The following RYR3 variants were observed in gnomAD, a reference collection of about 807,000 sequenced individuals.
The protein encoded by RYR3 is brain ryanodine receptor-calcium release channel.
Under a neutral mutation model 584.3 loss-of-function variants are expected in RYR3, and 207 were observed. The observed-to-expected ratio is 0.35, with a 90% confidence interval of 0.32 to 0.40. RYR3 has a LOEUF of 0.40. RYR3 is among the 10% of genes least tolerant of loss of function. The pLI is 1.00. For synonymous variants in RYR3, 2,416 were observed against 2,248.5 expected (o/e 1.07, Z -2.11); for missense variants, 5,616 against 6,089.2 (o/e 0.92, Z 2.59).
At chr15:33,855,507 G>A (rs752483074) in intron 98 of RYR3, among the ~76,000 whole-genome samples, 21 of 152,090 alleles carry the variant, frequency 1.4e-4, no homozygotes, top group Non-Finnish European at 2.6e-4. Context: ...CCCGGCCGGA[G>A]ATCTTTTTAA....
At chr15:33,737,266 C>CT (rs1220566969) in intron 49 of RYR3, among the ~76,000 whole-genome samples, 3 of 152,026 alleles carry the variant, frequency 2.0e-5, no homozygotes, top group African/African-American at 4.8e-5. Flanking sequence ...CTGGCCTTCC[C>CT]TTTTTTTTAT....
At chr15:33,314,998 G>T (rs1211723078) in intron 1 of RYR3, among the ~76,000 whole-genome samples, 2 of 152,094 alleles carry the variant, frequency 1.3e-5, no homozygotes, top group African/African-American at 4.8e-5. Context: ...ACATTTGTTT[G>T]CATTAGTTTC....
Position 33,864,130 on chromosome 15 carries a change from C to G in RYR3, c.14466-8C>G. 2 of 1,607,172 alleles carry G rather than the reference C, an allele frequency of 1.2e-6. No homozygotes were observed. Among genetic ancestry groups the G allele is most frequent in the Non-Finnish European group, 1.7e-6 (2 of 1,175,014 alleles). ...AGAGTATCTAATACTATCTTTTCCT[C>G]GTTCCAGGTTCTTTCTGATGTATTT... On this transcript the variant is annotated splice_region_variant and splice_polypyrimidine_tract_variant and intron_variant, in intron 102 of 103. Coordinates refer to ENST00000634891, the MANE Select transcript of RYR3 (RefSeq NM_001036.6).
At chr15:33,558,066 GT>G (rs1028295291) in intron 10 of RYR3, among the ~76,000 whole-genome samples, 9 of 151,944 alleles carry the variant, frequency 5.9e-5, no homozygotes, top group Middle Eastern at 3.4e-3. Context: ...AGAAATCCCA[GT>G]TTTTTTTCTG....
In RYR3 at chr15:33,515,106, A is replaced by G. The variant is rs531561896; in HGVS notation, c.279+11368A>G. Among the ~76,000 whole-genome samples the G allele has an allele frequency of 9.6e-4, 146 of 152,364 alleles. 1 individual carries two copies. Among genetic ancestry groups the G allele is most frequent in the Non-Finnish European group, 1.9e-3 (128 of 68,020 alleles). Reference sequence around the variant, plus strand: ...AATTTAATACATTCATGTAATTTATAAAGACCACATCAGTGAAAATTTCCA... The same window carrying G: ...AATTTAATACATTCATGTAATTTATGAAGACCACATCAGTGAAAATTTCCA... On this transcript the variant is annotated intron_variant, in intron 3 of 103. Transcript: ENST00000634891.
At chr15:33,771,826 C>G (rs2073599595) in intron 62 of RYR3, 94 bp from the exon 63 acceptor site, 5 of 806,448 alleles carry the variant, frequency 6.2e-6, no homozygotes, top group Admixed American at 4.3e-5. Flanking sequence ...ACAGGAGTGG[C>G]AAATGTCTGC....
chr15:33,848,475 A>G (rs1422270392), intron 94 of RYR3, 54 bp downstream of exon 94: 2 of 1,547,156 alleles, frequency 1.3e-6, no homozygotes, highest in Non-Finnish European at 1.7e-6. Flanking sequence ...TACTGTAAAT[A>G]GAGTAACTCT....
chr15:33,642,808 G>A (rs2061905160), intron 27 of RYR3, among the ~76,000 whole-genome samples: 1 of 152,222 alleles, frequency 6.6e-6, no homozygotes, highest in African/African-American at 2.4e-5. Flanking sequence ...TGTCCTGAGA[G>A]GTAGGGGTCC....
intron 9 of RYR3, among the ~76,000 whole-genome samples, chr15:33,548,436 G>A (rs2056417526): frequency 6.6e-6 from 1 of 152,186 alleles, no homozygotes; most frequent in South Asian, 2.1e-4. Flanking sequence ...CCTTGCAGTA[G>A]CTGACTATAA....
At position 33,390,997 on chromosome 15, in the gene RYR3, G is replaced by A. The variant is rs2041960343; in HGVS notation, c.51+79901G>A. Among the ~76,000 whole-genome samples, 1 of 152,144 alleles carries A rather than the reference G, an allele frequency of 6.6e-6. No individual in the cohort carries two copies. ...ATCCAGCTGTGTATTCTTACTATGTGGCTATAATAAACTCCAGCTTTGAGT... is the reference window on the plus strand; with the variant it reads ...ATCCAGCTGTGTATTCTTACTATGTAGCTATAATAAACTCCAGCTTTGAGT... On this transcript the variant is annotated intron_variant, in intron 1 of 103. Transcript: ENST00000634891. This position sits in a 1 kb window ranked among gnomAD's most constrained non-coding sequence, Gnocchi z 4.2.
chr15:33,442,037 G>A (rs1014786928), intron 1 of RYR3, among the ~76,000 whole-genome samples: 34 of 152,282 alleles, frequency 2.2e-4, no homozygotes, highest in Admixed American at 7.8e-4. Flanking sequence ...GTTATAGTCC[G>A]TTACCTATAA....
chr15:33,619,154 G>C (rs992393415), intron 19 of RYR3, among the ~76,000 whole-genome samples: 1 of 150,492 alleles, frequency 6.6e-6, no homozygotes, highest in Non-Finnish European at 1.5e-5. Flanking sequence ...AAAAATCTTT[G>C]AGAGCTGATG....
intron 1 of RYR3, among the ~76,000 whole-genome samples, chr15:33,417,014 A>G (rs2043862771): frequency 6.6e-6 from 1 of 151,974 alleles, no homozygotes; most frequent in Admixed American, 6.6e-5. Flanking sequence ...GTGTGGCTTT[A>G]TTTCAGTAGT....
rs370451079 is a variant in RYR3 at position 33,838,036 on chromosome 15, A to C, written c.12056A>C (p.Glu4019Ala). The C allele has an allele frequency of 4.3e-5, 69 of 1,614,020 alleles. No individual in the cohort carries two copies. The African/African-American group carries it at 9.1e-4, about 21-fold the overall frequency. Residue 4019 changes from glutamate (E) to alanine (A), a missense_variant, in exon 89 of 104, where the codon GAA becomes GCA. Around this residue, in one of 9 missense-constraint regions of RYR3, gnomAD observed 258 missense variants for 297.3 expected, o/e 0.87. Coordinates refer to ENST00000634891, the MANE Select transcript of RYR3 (RefSeq NM_001036.6). ...SRLKCLLDPA[E>A]SVLNYFEPYL... The stretch of plus-strand genomic sequence containing the variant: ...CTGAAGTGTCTGTTGGACCCAGCAG[A>C]AAGTGTGCTAAATTACTTCGAACCC...
rs1029110403 is a variant in RYR3, at chr15:33,766,616, G to A, written c.8706-2042G>A. ...ACATTTGTTCAACCAGGCACCATTT[G>A]TCACGGCTGGAATACAACCTAGAGC... On this transcript the variant is annotated intron_variant, in intron 60 of 103. Transcript: ENST00000634891. Among the ~76,000 whole-genome samples the A allele has an allele frequency of 3.9e-5, 6 of 152,230 alleles. No homozygotes were observed. In the East Asian group the frequency reaches 1.2e-3, roughly 29 times the overall value.
intron 18 of RYR3, among the ~76,000 whole-genome samples, chr15:33,610,416 T>C (rs2060122476): frequency 6.6e-6 from 1 of 152,214 alleles, no homozygotes; most frequent in Non-Finnish European, 1.5e-5. Context: ...CCCAGCAGAC[T>C]ATGGGCTTCT....
chr15:33,732,633 A>T (rs1261806807), intron 48 of RYR3, among the ~76,000 whole-genome samples: 3 of 152,188 alleles, frequency 2.0e-5, no homozygotes, highest in Non-Finnish European at 2.9e-5. Flanking sequence ...ACAGGCCAAG[A>T]CTATGATCTG....
intron 67 of RYR3, among the ~76,000 whole-genome samples, chr15:33,789,090 T>C (rs538324324): frequency 6.6e-6 from 1 of 151,712 alleles, no homozygotes; most frequent in Middle Eastern, 3.4e-3. Context: ...AGGAAACGTC[T>C]GGTGCAGGCA....
rs749461205 is a variant in RYR3, at chr15:33,772,092, C to G, written c.8989C>G (p.Leu2997Val). The G allele has an allele frequency of 5.6e-6, 9 of 1,613,734 alleles. No individual in the cohort carries two copies. Among genetic ancestry groups the G allele is most frequent in the African/African-American group, 2.7e-5 (2 of 74,908 alleles). ...GAATATTAACTACACTACAGTGGCT[C>G]TGCTCCCCATCCTGACGTCCATCTT... ...SQNINYTTVA[L>V]LPILTSIFEH... The change falls in exon 63 of 104, where the codon CTG becomes GTG. Residue 2997 changes from leucine to valine, a missense_variant. Coordinates refer to ENST00000634891, the MANE Select transcript of RYR3 (RefSeq NM_001036.6).
Sources: allele counts gnomAD v4.1 joint callset (sites outside exome capture counted in the v4.1 genomes callset), GRCh38; gene constraint gnomAD v4.1.1; regional missense constraint gnomAD v4.1.1; non-coding constraint Gnocchi (gnomAD v3.1); transcripts MANE v1.5; gene names NCBI Gene and HGNC (gene_info 2026-07-23, HGNC 2026-07-21).